The following RNF150 variants were observed in gnomAD, a reference collection of about 807,000 sequenced individuals.
RNF150 encodes the protein ring finger protein 150.
In RNF150, 24 loss-of-function variants were observed where a neutral mutation model predicts 39.3. That is an observed-to-expected ratio of 0.61 (90% confidence interval 0.44 to 0.86). The LOEUF is 0.86. Among genes scored for constraint, RNF150 ranks in the 40% least tolerant of loss-of-function variants. The pLI is 0.00. For synonymous variants in RNF150, 255 were observed against 227.3 expected (o/e 1.12, Z -1.10); for missense variants, 502 against 587.8 (o/e 0.85, Z 1.51).
chr4:141,096,173 G>T (rs1464430595), intron 1 of RNF150, among the ~76,000 whole-genome samples: 1 of 146,360 alleles, frequency 6.8e-6, no homozygotes, highest in East Asian at 2.0e-4. Flanking sequence ...TTAATACCAA[G>T]GAGAGTTTTT....
At chr4:141,185,741 G>T (rs146242921) in intron 1 of RNF150, among the ~76,000 whole-genome samples, 2 of 152,148 alleles carry the variant, frequency 1.3e-5, no homozygotes, top group Non-Finnish European at 2.9e-5. Context: ...TAGCATGAAG[G>T]GGTGTTGAAT....
intron 1 of RNF150, among the ~76,000 whole-genome samples, chr4:141,013,577 A>C (rs575844270): frequency 6.6e-6 from 1 of 152,172 alleles, no homozygotes; most frequent in Non-Finnish European, 1.5e-5. Context: ...CTGTATCTTC[A>C]AATATTTGCT....
At chr4:141,142,424 G>A (rs17006916) in intron 1 of RNF150, among the ~76,000 whole-genome samples, 2,128 of 152,180 alleles carry the variant, frequency 0.014, 57 homozygotes, top group African/African-American at 0.049. Flanking sequence ...TAGTCCTGTC[G>A]GCACACAGAC....
At chr4:141,004,279 A>G (rs1386692659) in intron 1 of RNF150, among the ~76,000 whole-genome samples, 1 of 152,110 alleles carries the variant, frequency 6.6e-6, no homozygotes. Flanking sequence ...AAACTGAGAC[A>G]ACTAACAAGA....
intron 1 of RNF150, among the ~76,000 whole-genome samples, chr4:141,208,988 T>A (rs2111227879): frequency 6.6e-6 from 1 of 152,112 alleles, no homozygotes; most frequent in Admixed American, 6.5e-5. Flanking sequence ...CAAGGAAGAG[T>A]AAGTTTGAAT....
At chr4:140,991,382 T>A (rs1734192374) in intron 1 of RNF150, among the ~76,000 whole-genome samples, 1 of 152,206 alleles carries the variant, frequency 6.6e-6, no homozygotes, top group Admixed American at 6.5e-5. Context: ...TTGCTTTTGT[T>A]GCAATTGCTT....
At chr4:140,896,594 A>G (rs1729950377) in intron 6 of RNF150, among the ~76,000 whole-genome samples, 1 of 101,584 alleles carries the variant, frequency 9.8e-6, no homozygotes. Flanking sequence ...GCTAGATGAC[A>G]CATTAGTGGG....
intron 1 of RNF150, among the ~76,000 whole-genome samples, chr4:141,005,228 G>T (rs1734820345): frequency 1.3e-5 from 2 of 152,104 alleles, no homozygotes; most frequent in South Asian, 4.2e-4. Flanking sequence ...GCTAAGTCTG[G>T]GGTGACTTTG....
At chr4:140,918,826 G>A (rs1366601420) in intron 5 of RNF150, among the ~76,000 whole-genome samples, 5 of 152,186 alleles carry the variant, frequency 3.3e-5, no homozygotes, top group African/African-American at 4.8e-5. Flanking sequence ...ACATCAAAAA[G>A]CTTATCCACC....
At chr4:141,142,792 C>T (rs1727142397) in intron 1 of RNF150, among the ~76,000 whole-genome samples, 1 of 152,108 alleles carries the variant, frequency 6.6e-6, no homozygotes, top group Admixed American at 6.5e-5. Context: ...CAGGCTCTGA[C>T]CTAAGGATTG....
chr4:141,011,823 CTCAG>C (rs1320414251), intron 1 of RNF150, among the ~76,000 whole-genome samples: 1 of 152,204 alleles, frequency 6.6e-6, no homozygotes, highest in African/African-American at 2.4e-5. Context: ...CTTTCATTCA[CTCAG>C]TGATTATAAA....
At chr4:140,879,882 G>A (rs996318063) in intron 6 of RNF150, among the ~76,000 whole-genome samples, 2 of 152,146 alleles carry the variant, frequency 1.3e-5, no homozygotes, top group Non-Finnish European at 2.9e-5. Context: ...TTAGTTTTAA[G>A]AGCATTTGAA....
At chr4:140,905,530 C>G (rs191366720) in intron 6 of RNF150, among the ~76,000 whole-genome samples, 4 of 152,054 alleles carry the variant, frequency 2.6e-5, no homozygotes, top group Admixed American at 1.3e-4. Flanking sequence ...CATCTTGAGG[C>G]AATAAAAATG....
intron 1 of RNF150, among the ~76,000 whole-genome samples, chr4:141,032,124 G>C (rs1216671876): frequency 2.6e-5 from 4 of 151,890 alleles, no homozygotes; most frequent in African/African-American, 9.7e-5. Context: ...GAAGGAAATT[G>C]TGTCATTTGT....
chr4:140,960,947 A>T (rs926613844), intron 2 of RNF150, among the ~76,000 whole-genome samples: 1 of 152,140 alleles, frequency 6.6e-6, no homozygotes, highest in Admixed American at 6.6e-5. Flanking sequence ...CATCAAGCCT[A>T]CGGGGCTGGC....
At chr4:140,923,526 C>G (rs1344724977) in intron 5 of RNF150, among the ~76,000 whole-genome samples, 1 of 152,158 alleles carries the variant, frequency 6.6e-6, no homozygotes, top group Non-Finnish European at 1.5e-5. Context: ...GTTGGTGGGA[C>G]TGTAAACTAG....
At position 140,911,349 on chromosome 4, in the gene RNF150, A is replaced by G; in HGVS notation, c.993T>C (p.Asn331=). The G allele has an allele frequency of 1.9e-6, 3 of 1,614,100 alleles. No homozygotes were observed. The highest frequency in any genetic ancestry group is 2.5e-6 in the Non-Finnish European group (3 of 1,179,972). Residue 331 remains asparagine, a synonymous_variant, in exon 6 of 7, where the codon AAT becomes AAC. Transcript: ENST00000515673. The stretch of plus-strand genomic sequence containing the variant: ...TGGGCAAGTCGTCCATGCAGTCGGC[A>G]TTGGGCTGATGGGGCAGAAAAAGAT... The part of the protein sequence containing the change: ...NILKALGIPP[N]ADCMDDLPTD...
intron 1 of RNF150, among the ~76,000 whole-genome samples, chr4:141,010,545 C>T (rs1735037548): frequency 6.6e-6 from 1 of 152,198 alleles, no homozygotes; most frequent in African/African-American, 2.4e-5. Flanking sequence ...TAACAAACTG[C>T]TAAATACTTT....
intron 1 of RNF150, among the ~76,000 whole-genome samples, chr4:141,050,352 C>T (rs1736730680): frequency 6.6e-6 from 1 of 152,248 alleles, no homozygotes. Context: ...CATGTCCTCA[C>T]ATTTCAAAAT....
Sources: allele counts gnomAD v4.1 joint callset (sites outside exome capture counted in the v4.1 genomes callset), GRCh38; gene constraint gnomAD v4.1.1; transcripts MANE v1.5; gene names NCBI Gene and HGNC (gene_info 2026-07-23, HGNC 2026-07-21).